Variants in PANX3 observed in about 807,000 individuals in gnomAD.
PANX3 encodes pannexin 3, also known as pannexin-3.
PANX3 carries 18 observed loss-of-function variants against 31.5 expected under a neutral mutation model. That is an observed-to-expected ratio of 0.57 (90% CI 0.39 to 0.85). The LOEUF (loss-of-function observed/expected upper bound fraction) is 0.85, where lower values mean the gene tolerates loss of function less well. PANX3 is among the 40% of genes least tolerant of loss of function. The pLI, the probability that PANX3 is intolerant of heterozygous loss-of-function variation, is 0.00. For synonymous variants in PANX3, 194 were observed against 201.6 expected (o/e 0.96, Z 0.32); for missense variants, 426 against 485.4 (o/e 0.88, Z 1.15).
intron 2 of PANX3, among the ~76,000 whole-genome samples, chr11:124,613,877 G>T (rs534444473): frequency 6.6e-6 from 1 of 152,180 alleles, no homozygotes; most frequent in South Asian, 2.1e-4. Context: ...CTTCTATCTT[G>T]CAACTGCTTT....
chr11:124,612,349 G>A (rs929074247), intron 1 of PANX3, among the ~76,000 whole-genome samples: 1 of 152,204 alleles, frequency 6.6e-6, no homozygotes, highest in Non-Finnish European at 1.5e-5. Context: ...TTGTTAAAGA[G>A]AATGTGGACT....
chr11:124,618,213 T>A (rs187082663), intron 3 of PANX3, among the ~76,000 whole-genome samples: 3 of 152,306 alleles, frequency 2.0e-5, no homozygotes, highest in Admixed American at 2.0e-4. Flanking sequence ...CCAGGCTAGA[T>A]GGCCCAAGGA....
At chr11:124,618,651 G>C (rs145393714) in intron 3 of PANX3, among the ~76,000 whole-genome samples, 12 of 152,036 alleles carry the variant, frequency 7.9e-5, no homozygotes, top group East Asian at 3.9e-4. Context: ...TTTTTGGAGT[G>C]GGGGGGTGGG....
At position 124,619,674 on chromosome 11, in the gene PANX3, G is replaced by T; in HGVS notation, c.918G>T (p.Glu306Asp). The change falls in exon 4 of 4, where the codon GAG becomes GAT. Residue 306 changes from glutamate (E) to aspartate (D), a missense_variant. Transcript: ENST00000284288. ...ACAAACGACTTTTATCTGTCTATGA[G>T]ATGCTCCCAGCTTTTGATCTCCTCA... ...RWDKRLLSVYEMLPAFDLLSR... is the reference protein window; with the variant it reads ...RWDKRLLSVYDMLPAFDLLSR... 6.2e-7 allele frequency: 1 copy of T among 1,614,142 alleles called. No homozygotes were observed. The highest frequency in any genetic ancestry group is 2.2e-5 in the East Asian group (1 of 44,886).
chr11:124,611,461 G>C lies in PANX3; in HGVS notation c.-96G>C, dbSNP rs1863088272. The stretch of plus-strand genomic sequence containing the variant: ...CCATAAGGCTGGGGTGGCAGGCACT[G>C]TCTGCCCAAAGTCAGCTGCCTGAAG... On this transcript the variant is annotated 5_prime_UTR_variant, in exon 1 of 4. Transcript: ENST00000284288. 1.6e-6 allele frequency: 2 copies of C among 1,218,076 alleles called. No homozygotes were observed. The highest frequency in any genetic ancestry group is 2.5e-4 in the Middle Eastern group (1 of 3,974). 75.5% of individuals were successfully genotyped at this position (1,218,076 alleles called of 1,614,324 possible). A position where few individuals can be genotyped will look rare whatever the true frequency, so the allele number is the denominator to read the frequency against.
intron 1 of PANX3, among the ~76,000 whole-genome samples, chr11:124,611,949 TAAAAA>T (rs56856352): frequency 7.7e-4 from 75 of 98,006 alleles, no homozygotes; most frequent in African/African-American, 2.1e-3. Context: ...AATGTTACAG[TAAAAA>T]AAAAAAAAAA....
chr11:124,618,501 T>A (rs1863177876), intron 3 of PANX3, among the ~76,000 whole-genome samples: 1 of 152,244 alleles, frequency 6.6e-6, no homozygotes, highest in Non-Finnish European at 1.5e-5. Flanking sequence ...CTAAGCTTCT[T>A]CAGAGCACAA....
intron 1 of PANX3, 56 bp downstream of exon 1, chr11:124,611,793 T>C (rs1478965461): frequency 6.5e-7 from 1 of 1,547,842 alleles, no homozygotes; most frequent in Non-Finnish European, 8.8e-7. Context: ...TGTCACTCTC[T>C]GCATGGGCTC....
intron 2 of PANX3, among the ~76,000 whole-genome samples, chr11:124,614,801 CA>C (rs1173408457): frequency 6.6e-6 from 1 of 150,572 alleles, no homozygotes; most frequent in African/African-American, 2.5e-5. Context: ...CTCAGCCTCC[CA>C]AGTAGCTGGG....
intron 2 of PANX3, among the ~76,000 whole-genome samples, chr11:124,614,156 G>A (rs1336567741): frequency 4.0e-5 from 5 of 125,060 alleles, no homozygotes; most frequent in South Asian, 2.6e-4. Flanking sequence ...GTTCAGGAAG[G>A]ATCTAAATGG....
At position 124,616,705 on chromosome 11, in the gene PANX3, G is replaced by A. The variant is rs1863156367; in HGVS notation, c.325-569G>A. 6.6e-6 allele frequency among the ~76,000 whole-genome samples: 1 copy of A among 152,198 alleles called. No homozygotes were observed. Among genetic ancestry groups the A allele is most frequent in the African/African-American group, 2.4e-5 (1 of 41,450 alleles). ...AGACAGTGTCTGATAGTGTAGTTTG[G>A]CATTACCAAGAATCCAAAAATCAGA... is the stretch of plus-strand genomic sequence containing the variant. On this transcript the variant is annotated intron_variant, in intron 2 of 3. Transcript: ENST00000284288. This position sits in a 1 kb window ranked among gnomAD's most constrained non-coding sequence, Gnocchi z 4.8.
intron 2 of PANX3, among the ~76,000 whole-genome samples, chr11:124,615,020 G>A (rs776860383): frequency 5.9e-5 from 9 of 151,798 alleles, no homozygotes; most frequent in Non-Finnish European, 1.2e-4. Flanking sequence ...ATTTTCTCTA[G>A]AGCCTGGTGT....
chr11:124,617,600 G>C (rs1235345066), intron 3 of PANX3, 112 bp downstream of exon 3: 2 of 1,007,414 alleles, frequency 2.0e-6, no homozygotes, highest in Admixed American at 1.9e-5. Context: ...AGAAGGCAAA[G>C]TGCTTAACAC....
At chr11:124,614,670 CTTTTTTTTTTT>C (rs138365917) in intron 2 of PANX3, among the ~76,000 whole-genome samples, 1 of 95,328 alleles carries the variant, frequency 1.0e-5, no homozygotes, top group Non-Finnish European at 2.0e-5. Flanking sequence ...AACGCCCTTT[CTTTTTTTTTTT>C]TTTTTTTTTT....
intron 3 of PANX3, among the ~76,000 whole-genome samples, chr11:124,618,908 A>C (rs1863182850): frequency 6.6e-6 from 1 of 152,130 alleles, no homozygotes; most frequent in South Asian, 2.1e-4. Flanking sequence ...GGCCGCTGGG[A>C]TTATGAGCAT....
chr11:124,617,713 C>T (rs1863170243), intron 3 of PANX3, among the ~76,000 whole-genome samples: 1 of 152,220 alleles, frequency 6.6e-6, no homozygotes, highest in Non-Finnish European at 1.5e-5. Flanking sequence ...ATTCATCTGT[C>T]TAGAATTCCA....
chr11:124,611,642 G>T lies in PANX3; in HGVS notation c.86G>T (p.Arg29Leu). The change falls in exon 1 of 4, where the codon CGT becomes CTT. Residue 29 changes from arginine (R) to leucine (L), a missense_variant. Transcript: ENST00000284288. ...AGGGGACCCCGCCTCAAAGGACTGC[G>T]TCTGGAACTGCCCCTGGACCGGATA... is the stretch of plus-strand genomic sequence containing the variant. The part of the protein sequence containing the change: ...DRRGPRLKGL[R>L]LELPLDRIVK... The T allele has an allele frequency of 6.2e-7, 1 of 1,614,200 alleles. No individual in the cohort carries two copies. The highest frequency in any genetic ancestry group is 8.5e-7 in the Non-Finnish European group (1 of 1,180,018).
rs1863198612 is a variant in PANX3 at position 124,619,985 on chromosome 11, C to T, written c.*50C>T. 6.5e-7 allele frequency: 1 copy of T among 1,537,508 alleles called. No homozygotes were observed. The highest frequency in any genetic ancestry group is 8.7e-7 in the Non-Finnish European group (1 of 1,145,144). ...CTTGTGGAAAGTCTCTCTCCTTCCT[C>T]ATAAGACATGCACACTAATACACAT... On this transcript the variant is annotated 3_prime_UTR_variant, in exon 4 of 4. Transcript: ENST00000284288.
In PANX3 at chr11:124,619,821, A is replaced by C. The variant is rs776387394; in HGVS notation, c.1065A>C (p.Thr355=). 6.2e-7 allele frequency: 1 copy of C among 1,614,162 alleles called. No homozygotes were observed. The highest frequency in any genetic ancestry group is 1.1e-5 in the South Asian group (1 of 91,084). ...WLSVLCVLKD[T]TTQKHNIDTV... Reference sequence around the variant, plus strand: ...GTGTCTTATGTGTGTTGAAGGATACAACCACCCAGAAGCACAATATTGACA... The same window carrying C: ...GTGTCTTATGTGTGTTGAAGGATACCACCACCCAGAAGCACAATATTGACA... Residue 355 remains threonine (T), a synonymous_variant, in exon 4 of 4, where the codon ACA becomes ACC. Coordinates refer to ENST00000284288, the MANE Select transcript of PANX3 (RefSeq NM_052959.3).
Sources: gnomAD v4.1 joint callset for allele counts (sites outside exome capture counted in the v4.1 genomes callset) on GRCh38, gnomAD v4.1.1 for gene constraint, Gnocchi (gnomAD v3.1) non-coding constraint, MANE v1.5 for transcripts, NCBI Gene and HGNC (gene_info 2026-07-23, HGNC 2026-07-21) for gene names.